MLKL: variants seen among roughly 807,000 people sequenced by gnomAD.
The protein encoded by MLKL is mixed lineage kinase domain like pseudokinase, also known as mixed lineage kinase domain-like protein.
In MLKL, 55 loss-of-function variants were observed where a neutral mutation model predicts 56.5. The ratio of observed to expected loss-of-function variants is 0.97; its 90% CI spans 0.78 to 1.22. The LOEUF is 1.22. MLKL is among the 50% of genes most tolerant of loss of function. The pLI is 0.00. For synonymous variants in MLKL, 251 were observed against 208.3 expected (o/e 1.20, Z -1.76); for missense variants, 694 against 573.9 (o/e 1.21, Z -2.14).
chr16:74,672,653 G>A, intron 10 of MLKL, 115 bp from the exon 11 acceptor site: 1 of 931,012 alleles, frequency 1.1e-6, no homozygotes, highest in Non-Finnish European at 1.7e-6. Context: ...CCCCTGGTCT[G>A]GCTGGTGCCT....
At position 74,695,603 on chromosome 16, in the gene MLKL, C is replaced by G. The variant is rs34251827; in HGVS notation, c.155G>C (p.Ser52Thr). ...TGTGGTTAACTTCTCAGAGGGCACG[C>G]TCCTCTTTCCTTGGTCCTGGAGCAT... ...LEMLQDQGKR[S>T]VPSEKLTTAM... The change falls in exon 2 of 11, where the codon AGC becomes ACC. Residue 52 changes from serine (S) to threonine (T), a missense_variant. Physicochemically the swap from Ser to Thr is moderately conservative, Grantham distance 58 (BLOSUM62 1). Coordinates refer to ENST00000308807, the MANE Select transcript of MLKL (RefSeq NM_152649.4). 5.0e-3 allele frequency: 8,149 copies of G among 1,614,218 alleles called. 26 individuals are homozygous for G. Among genetic ancestry groups the G allele is most frequent in the Non-Finnish European group, 5.9e-3 (7,007 of 1,180,044 alleles).
chr16:74,674,156 C>CAT (rs541364727), intron 10 of MLKL, among the ~76,000 whole-genome samples: 2 of 138,520 alleles, frequency 1.4e-5, no homozygotes, highest in Non-Finnish European at 3.1e-5. Context: ...GAATAGCATT[C>CAT]TTTTTTTTTT....
At chr16:74,695,864 G>T in intron 1 of MLKL, 105 bp from the exon 2 acceptor site, 1 of 993,420 alleles carries the variant, frequency 1.0e-6, no homozygotes, top group Non-Finnish European at 1.4e-6. Context: ...GCCTGAGGAG[G>T]TCTCCCCAGC....
At chr16:74,690,473 G>A (rs1649799691) in intron 4 of MLKL, among the ~76,000 whole-genome samples, 2 of 152,036 alleles carry the variant, frequency 1.3e-5, no homozygotes, top group South Asian at 4.1e-4. Context: ...GTTGGAAGCT[G>A]ACTAGGTTCC....
At position 74,682,651 on chromosome 16, in the gene MLKL, C is replaced by T. The variant is rs756756618; in HGVS notation, c.956G>A (p.Arg319Gln). The T allele has an allele frequency of 1.1e-5, 17 of 1,613,776 alleles. No individual in the cohort carries two copies. Among genetic ancestry groups the T allele is most frequent in the African/African-American group, 1.3e-5 (1 of 74,924 alleles). Residue 319 changes from arginine (R) to glutamine (Q), a missense_variant and splice_region_variant, in exon 6 of 11, where the codon CGG (arginine) becomes CAG (glutamine). Coordinates refer to ENST00000308807, the MANE Select transcript of MLKL (RefSeq NM_152649.4). ...LVLGAARGLY[R>Q]LHHSEAPELH... ...GTGGCGCCTTTTCACCCCGTCTTAC[C>T]GGTATAGGCCTCGGGCTGCCCCCAG...
intron 4 of MLKL, among the ~76,000 whole-genome samples, chr16:74,689,766 T>A (rs1321511427): frequency 6.6e-6 from 1 of 152,038 alleles, no homozygotes; most frequent in East Asian, 1.9e-4. Context: ...ATACAATAAA[T>A]ATGGTACCAC....
chr16:74,694,270 T>C (rs1214975418), intron 2 of MLKL, among the ~76,000 whole-genome samples: 1 of 152,178 alleles, frequency 6.6e-6, no homozygotes, highest in Admixed American at 6.5e-5. Flanking sequence ...CTACCAACAA[T>C]GGATGAGATT....
intron 5 of MLKL, among the ~76,000 whole-genome samples, chr16:74,683,425 G>A (rs912693003): frequency 2.0e-5 from 3 of 151,428 alleles, no homozygotes; most frequent in Non-Finnish European, 4.4e-5. Flanking sequence ...ATGAAACCTC[G>A]TCTCTATGAA....
rs990897389 is a variant in MLKL at position 74,681,560 on chromosome 16, G to A, written c.956+1091C>T. Among the ~76,000 whole-genome samples, 11 of 151,952 alleles carry A rather than the reference G, an allele frequency of 7.2e-5. 2 individuals carry two copies. On this transcript the variant is annotated intron_variant, in intron 6 of 10. Coordinates refer to ENST00000308807, the MANE Select transcript of MLKL (RefSeq NM_152649.4). Reference sequence around the variant, plus strand: ...TGTAATCCCAGCACTTTGGGAGGCCGAGACAGGTGGATCATGAGGTCAGGA... The same window carrying A: ...TGTAATCCCAGCACTTTGGGAGGCCAAGACAGGTGGATCATGAGGTCAGGA...
intron 2 of MLKL, among the ~76,000 whole-genome samples, chr16:74,694,290 T>C (rs1205228613): frequency 6.6e-6 from 1 of 152,198 alleles, no homozygotes; most frequent in Non-Finnish European, 1.5e-5. Flanking sequence ...TATCATTTTG[T>C]CTATATGGTT....
chr16:74,688,611 G>A (rs961118967), intron 4 of MLKL, among the ~76,000 whole-genome samples: 1 of 152,082 alleles, frequency 6.6e-6, no homozygotes. Flanking sequence ...CTACTCGGGA[G>A]GCTGAGGCAT....
At chr16:74,694,293 A>T (rs1960884760) in intron 2 of MLKL, among the ~76,000 whole-genome samples, 1 of 152,178 alleles carries the variant, frequency 6.6e-6, no homozygotes, top group Non-Finnish European at 1.5e-5. Context: ...CATTTTGTCT[A>T]TATGGTTTCC....
In MLKL at chr16:74,675,683, T is replaced by C; in HGVS notation, c.1120A>G (p.Thr374Ala). The C allele has an allele frequency of 6.2e-7, 1 of 1,614,142 alleles. No individual in the cohort carries two copies. Among genetic ancestry groups the C allele is most frequent in the Non-Finnish European group, 8.5e-7 (1 of 1,179,986 alleles). Residue 374 changes from threonine (T) to alanine (A), a missense_variant, in exon 8 of 11, where the codon ACA (threonine) becomes GCA (alanine). Transcript: ENST00000308807. Reference protein sequence around the residue: ...TREKTDRVKSTAYLSPQELED... With the variant: ...TREKTDRVKSAAYLSPQELED... ...AGTTCCTGAGGTGAGAGATATGCTG[T>C]AGATTTGACTCTGTCTGTCTTTTCT...
At chr16:74,692,301 T>G (rs1310773444) in intron 3 of MLKL, 41 bp downstream of exon 3, 3 of 1,557,238 alleles carry the variant, frequency 1.9e-6, no homozygotes, top group Non-Finnish European at 2.6e-6. Flanking sequence ...TGACTTCTAG[T>G]TTGGGGGCCA....
chr16:74,676,338 G>C (rs568280316), intron 7 of MLKL: 436 of 985,784 alleles, frequency 4.4e-4, no homozygotes, highest in South Asian at 7.5e-4. Context: ...AATCATGACA[G>C]CATATGTTCT....
chr16:74,675,272 G>A, intron 9 of MLKL, 83 bp downstream of exon 9: 2 of 1,599,566 alleles, frequency 1.3e-6, no homozygotes, highest in Non-Finnish European at 1.7e-6. Context: ...AAATTGCCAG[G>A]GGCAGCACTG....
chr16:74,681,177 C>T (rs1445007957), intron 6 of MLKL, among the ~76,000 whole-genome samples: 1 of 152,000 alleles, frequency 6.6e-6, no homozygotes, highest in Non-Finnish European at 1.5e-5. Context: ...AGGCCTGTGG[C>T]ACCATGCTGG....
chr16:74,687,186 G>C (rs866556419), intron 4 of MLKL, among the ~76,000 whole-genome samples: 3 of 151,914 alleles, frequency 2.0e-5, no homozygotes, highest in Non-Finnish European at 2.9e-5. Flanking sequence ...ATGTTGGCCA[G>C]ACTAGTCTCG....
chr16:74,674,156 CTT>C (rs11408099), intron 10 of MLKL, among the ~76,000 whole-genome samples: 20 of 138,486 alleles, frequency 1.4e-4, no homozygotes, highest in Admixed American at 2.2e-4. Flanking sequence ...GAATAGCATT[CTT>C]TTTTTTTTTT....
Sources: gnomAD v4.1 joint callset for allele counts (sites outside exome capture counted in the v4.1 genomes callset) on GRCh38, gnomAD v4.1.1 for gene constraint, MANE v1.5 for transcripts, NCBI Gene and HGNC (gene_info 2026-07-23, HGNC 2026-07-21) for gene names.